The following GABBR2 variants were observed in gnomAD, a reference collection of about 807,000 sequenced individuals.
GABBR2 encodes G-protein coupled receptor 51.
GABBR2 carries 23 observed loss-of-function variants against 105.6 expected under a neutral mutation model. The ratio of observed to expected loss-of-function variants is 0.22; its 90% CI spans 0.16 to 0.31. The LOEUF is 0.31. Ranked by LOEUF, GABBR2 falls within the 10% of genes least tolerant of loss-of-function variation. GABBR2 has a pLI of 1.00. For missense variants in GABBR2, 734 were observed against 1,245.5 expected, an observed-to-expected ratio of 0.59 and a Z score of 6.18; for synonymous variants, 478 against 499.7, an observed-to-expected ratio of 0.96 and a Z score of 0.58.
intron 2 of GABBR2, among the ~76,000 whole-genome samples, chr9:98,565,564 T>C (rs1039517966): frequency 6.6e-6 from 1 of 152,170 alleles, no homozygotes; most frequent in Non-Finnish European, 1.5e-5. Flanking sequence ...GCTCATCCCA[T>C]GGAGGTGACC....
chr9:98,603,718 C>T lies in GABBR2; in HGVS notation c.322-25646G>A, dbSNP rs188418563. Among the ~76,000 whole-genome samples, 13 of 152,254 alleles carry T rather than the reference C, an allele frequency of 8.5e-5. No individual in the cohort carries two copies. In the East Asian group the frequency reaches 1.3e-3, roughly 16 times the overall value. On this transcript the variant is annotated intron_variant, in intron 1 of 18. Transcript: ENST00000259455. Reference sequence around the variant, plus strand: ...GCAACTGCAGCTCAGAAATCTCAAACGGTTCAAGATAAGAAACTGGCCCAA... The same window carrying T: ...GCAACTGCAGCTCAGAAATCTCAAATGGTTCAAGATAAGAAACTGGCCCAA...
intron 1 of GABBR2, among the ~76,000 whole-genome samples, chr9:98,643,152 G>A (rs1829988622): frequency 6.6e-6 from 1 of 152,242 alleles, no homozygotes; most frequent in Non-Finnish European, 1.5e-5. Context: ...GGCAACTGCA[G>A]TTCCCACTGG....
intron 17 of GABBR2, among the ~76,000 whole-genome samples, chr9:98,298,161 T>TA (rs1247605841): frequency 6.6e-6 from 1 of 152,218 alleles, no homozygotes; most frequent in East Asian, 1.9e-4. Flanking sequence ...CTAAACCTTT[T>TA]AAAAAATGCA....
At chr9:98,310,803 G>C (rs548636413) in intron 14 of GABBR2, among the ~76,000 whole-genome samples, 2 of 152,134 alleles carry the variant, frequency 1.3e-5, no homozygotes, top group Non-Finnish European at 2.9e-5. Flanking sequence ...GCACAGCCAC[G>C]AGTTTTTGGG....
chr9:98,662,452 G>A (rs1478813753), intron 1 of GABBR2, among the ~76,000 whole-genome samples: 1 of 152,164 alleles, frequency 6.6e-6, no homozygotes, highest in Non-Finnish European at 1.5e-5. Context: ...CAATTTCAGA[G>A]GAGTGTGAAA....
intron 16 of GABBR2, among the ~76,000 whole-genome samples, 196 bp from the exon 17 acceptor site, chr9:98,299,549 A>T (rs542591537): frequency 7.9e-5 from 12 of 152,328 alleles, no homozygotes; most frequent in Admixed American, 7.8e-4. Context: ...AGAAGCTATG[A>T]TAAGAGGGAC....
At chr9:98,404,002 C>T (rs573319320) in intron 8 of GABBR2, among the ~76,000 whole-genome samples, 1 of 151,748 alleles carries the variant, frequency 6.6e-6, no homozygotes, top group Non-Finnish European at 1.5e-5. Flanking sequence ...TGCTGTACTG[C>T]CTTCCTTATA....
chr9:98,502,274 T>C (rs986765601), intron 3 of GABBR2, among the ~76,000 whole-genome samples: 1 of 152,170 alleles, frequency 6.6e-6, no homozygotes, highest in Admixed American at 6.5e-5. Context: ...GTGACCTGTT[T>C]AAGCCTAATG....
intron 1 of GABBR2, among the ~76,000 whole-genome samples, chr9:98,625,305 CCGGCTCA>C (rs1829721323): frequency 1.3e-5 from 2 of 152,228 alleles, no homozygotes; most frequent in Admixed American, 6.5e-5. Context: ...TCACTGATGC[CCGGCTCA>C]GGGCTCAGGA....
rs1421285629 is a variant in GABBR2 at position 98,388,375 on chromosome 9, T to C, written c.1529+479A>G. Among the ~76,000 whole-genome samples the C allele has an allele frequency of 6.6e-6, 1 of 152,152 alleles. No individual in the cohort carries two copies. Among genetic ancestry groups the C allele is most frequent in the African/African-American group, 2.4e-5 (1 of 41,440 alleles). ...AGGGCTTCCTGGCCGTAATGAACTG[T>C]ACCAATGGGAGTCCATTTCACTGGA... On this transcript the variant is annotated intron_variant, in intron 10 of 18. Transcript: ENST00000259455. This position sits in a 1 kb window ranked among gnomAD's most constrained non-coding sequence, Gnocchi z 4.4.
chr9:98,344,708 C>T (rs1009922877), intron 13 of GABBR2, among the ~76,000 whole-genome samples: 12 of 152,176 alleles, frequency 7.9e-5, no homozygotes, highest in Admixed American at 4.6e-4. Context: ...TCCTCCTGTG[C>T]GCATGGCTGT....
chr9:98,646,972 T>C (rs939224260), intron 1 of GABBR2, among the ~76,000 whole-genome samples: 1 of 152,210 alleles, frequency 6.6e-6, no homozygotes, highest in African/African-American at 2.4e-5. Context: ...CTCTTTTGAC[T>C]TCCTATCCAG....
intron 3 of GABBR2, among the ~76,000 whole-genome samples, chr9:98,520,221 T>C (rs540708212): frequency 6.6e-5 from 10 of 151,848 alleles, no homozygotes; most frequent in African/African-American, 2.4e-4. Flanking sequence ...GAAGGGGAGG[T>C]GTGGAAAACA....
intron 2 of GABBR2, among the ~76,000 whole-genome samples, chr9:98,566,480 C>T (rs1828752279): frequency 6.6e-6 from 1 of 151,970 alleles, no homozygotes; most frequent in Non-Finnish European, 1.5e-5. Flanking sequence ...TCAAGACCAT[C>T]CTGGCTAACA....
At chr9:98,626,364 G>A (rs943430450) in intron 1 of GABBR2, among the ~76,000 whole-genome samples, 1 of 151,854 alleles carries the variant, frequency 6.6e-6, no homozygotes, top group African/African-American at 2.4e-5. Flanking sequence ...AAAACACTTA[G>A]ATTACACATT....
chr9:98,294,280 T>C (rs1830346969), intron 17 of GABBR2, among the ~76,000 whole-genome samples: 1 of 152,172 alleles, frequency 6.6e-6, no homozygotes, highest in Non-Finnish European at 1.5e-5. Context: ...CAAGGTATAT[T>C]TTTCATAGAG....
At chr9:98,634,315 T>C (rs1401370712) in intron 1 of GABBR2, among the ~76,000 whole-genome samples, 1 of 152,230 alleles carries the variant, frequency 6.6e-6, no homozygotes, top group Non-Finnish European at 1.5e-5. Flanking sequence ...GATTGCCTAG[T>C]GTCCCCGTGA....
rs548901402 is a variant in GABBR2, at chr9:98,292,792, C to T, written c.2660+993G>A. ...TTCTTCTGTCTGTTAGGATCCTGTT[C>T]ACCTTTCATTCATTCAACAAATGCT... On this transcript the variant is annotated intron_variant, in intron 18 of 18. Coordinates refer to ENST00000259455, the MANE Select transcript of GABBR2 (RefSeq NM_005458.8). Among the ~76,000 whole-genome samples the T allele has an allele frequency of 5.3e-5, 8 of 152,336 alleles. No individual in the cohort carries two copies. The South Asian group carries it at 6.2e-4, about 12-fold the overall frequency.
chr9:98,365,392 G>A (rs1156730499), intron 12 of GABBR2, among the ~76,000 whole-genome samples: 2 of 152,218 alleles, frequency 1.3e-5, no homozygotes, highest in African/African-American at 2.4e-5. Flanking sequence ...GTGACATCTA[G>A]GGGCCAAATG....
Sources: allele counts gnomAD v4.1 joint callset (sites outside exome capture counted in the v4.1 genomes callset), GRCh38; gene constraint gnomAD v4.1.1; non-coding constraint Gnocchi (gnomAD v3.1); transcripts MANE v1.5; gene names NCBI Gene and HGNC (gene_info 2026-07-23, HGNC 2026-07-21).